PCP4: variants seen among roughly 807,000 people sequenced by gnomAD.
The protein encoded by PCP4 is Purkinje cell protein 4, also known as calmodulin regulator protein PCP4.
PCP4 carries 8 observed loss-of-function variants against 10.0 expected under a neutral mutation model. That is an observed-to-expected ratio of 0.80 (90% CI 0.47 to 1.45). The LOEUF is 1.45. PCP4 is among the 40% of genes most tolerant of loss of function. The probability of loss-of-function intolerance (pLI) is 0.00; values close to 1 mark genes in which losing one functional copy is unlikely to be tolerated. For missense variants in PCP4, 54 were observed against 74.4 expected (o/e 0.73, Z 1.01); for synonymous variants, 21 against 23.0 (o/e 0.91, Z 0.24).
intron 1 of PCP4, among the ~76,000 whole-genome samples, chr21:39,869,135 G>A (rs1447498247): frequency 6.6e-6 from 1 of 152,144 alleles, no homozygotes; most frequent in Non-Finnish European, 1.5e-5. Context: ...ATAGAAGAAG[G>A]ACTTAGAAAG....
chr21:39,884,263 T>A (rs1043307373), intron 1 of PCP4, among the ~76,000 whole-genome samples: 1 of 150,794 alleles, frequency 6.6e-6, no homozygotes, highest in Non-Finnish European at 1.5e-5. Context: ...CACTGCAACC[T>A]CCGCCTCCCA....
chr21:39,903,578 T>C (rs2087491020), intron 2 of PCP4, among the ~76,000 whole-genome samples: 1 of 152,102 alleles, frequency 6.6e-6, no homozygotes, highest in Admixed American at 6.6e-5. Flanking sequence ...TAAGACTTAG[T>C]TTGATTTGGG....
At chr21:39,896,583 A>G (rs569431037) in intron 1 of PCP4, among the ~76,000 whole-genome samples, 53 of 152,226 alleles carry the variant, frequency 3.5e-4, no homozygotes, top group Non-Finnish European at 6.6e-4. Context: ...TGGAAGGTGA[A>G]TGGTATTCGT....
chr21:39,920,961 G>T (rs898294747), intron 2 of PCP4, among the ~76,000 whole-genome samples: 2 of 152,154 alleles, frequency 1.3e-5, no homozygotes, highest in African/African-American at 4.8e-5. Context: ...ACTCTCCAGC[G>T]GCCTGCTTTG....
intron 2 of PCP4, among the ~76,000 whole-genome samples, chr21:39,908,665 C>T (rs1255628944): frequency 6.6e-6 from 1 of 152,060 alleles, no homozygotes; most frequent in Non-Finnish European, 1.5e-5. Context: ...CCAGCTGCCT[C>T]GGCCCAAAGG....
intron 2 of PCP4, among the ~76,000 whole-genome samples, chr21:39,913,770 CAG>C (rs1209057016): frequency 3.9e-5 from 6 of 152,246 alleles, no homozygotes; most frequent in African/African-American, 1.4e-4. Context: ...TTGGAGTTGC[CAG>C]AGAGTTGTAC....
chr21:39,909,789 T>C (rs1008158540), intron 2 of PCP4, among the ~76,000 whole-genome samples: 1 of 42,764 alleles, frequency 2.3e-5, no homozygotes, highest in East Asian at 4.7e-4. Context: ...TTCCTTCCTT[T>C]CTTTTCTTTT....
At chr21:39,888,396 G>C (rs1325539046) in intron 1 of PCP4, among the ~76,000 whole-genome samples, 1 of 152,232 alleles carries the variant, frequency 6.6e-6, no homozygotes, top group African/African-American at 2.4e-5. Context: ...AACAATGGCT[G>C]TTGTGGTAAA....
rs62235435 is a variant in PCP4 at position 39,876,813 on chromosome 21, T to A, written c.9+9303T>A. On this transcript the variant is annotated intron_variant, in intron 1 of 2. Coordinates refer to ENST00000328619, the MANE Select transcript of PCP4 (RefSeq NM_006198.3). ...GAGGTGCCGTTGACACTGTGGTCTG[T>A]GCCAACAGCACTGCCTGGAGTTGTG... Among the ~76,000 whole-genome samples the A allele has an allele frequency of 8.4e-3, 1,278 of 152,324 alleles. 11 individuals are homozygous for A. Among genetic ancestry groups the A allele is most frequent in the Non-Finnish European group, 0.013 (914 of 68,026 alleles).
At chr21:39,915,064 C>G (rs970126651) in intron 2 of PCP4, among the ~76,000 whole-genome samples, 2 of 152,138 alleles carry the variant, frequency 1.3e-5, no homozygotes, top group Non-Finnish European at 2.9e-5. Flanking sequence ...ACATCAATTT[C>G]CTGTGTTTTC....
chr21:39,898,117 T>A (rs1285886975), intron 1 of PCP4, among the ~76,000 whole-genome samples: 1 of 151,752 alleles, frequency 6.6e-6, no homozygotes, highest in Non-Finnish European at 1.5e-5. Context: ...GCCTAATGAC[T>A]GTCATTAACA....
intron 1 of PCP4, among the ~76,000 whole-genome samples, chr21:39,877,719 C>T (rs1207816759): frequency 6.6e-6 from 1 of 151,834 alleles, no homozygotes; most frequent in Non-Finnish European, 1.5e-5. Flanking sequence ...AATACAAAAA[C>T]AAAACAAAAC....
intron 1 of PCP4, among the ~76,000 whole-genome samples, chr21:39,897,385 CAAAA>C (rs34312418): frequency 2.3e-5 from 2 of 87,664 alleles, no homozygotes; most frequent in Non-Finnish European, 2.4e-5. Flanking sequence ...GACTCTGTCT[CAAAA>C]AAAAAAAAAA....
chr21:39,911,723 TC>T (rs1388568276), intron 2 of PCP4, among the ~76,000 whole-genome samples: 3 of 152,246 alleles, frequency 2.0e-5, no homozygotes, highest in Non-Finnish European at 4.4e-5. Context: ...GCCTCACTTG[TC>T]TTTTCTATAA....
intron 2 of PCP4, among the ~76,000 whole-genome samples, chr21:39,903,113 A>G (rs1440749272): frequency 1.3e-5 from 2 of 152,228 alleles, no homozygotes; most frequent in African/African-American, 2.4e-5. Flanking sequence ...TTATTGACAC[A>G]CAAAAGCAGA....
At chr21:39,894,809 T>A (rs1233277197) in intron 1 of PCP4, among the ~76,000 whole-genome samples, 1 of 152,208 alleles carries the variant, frequency 6.6e-6, no homozygotes, top group East Asian at 1.9e-4. Context: ...GAACTTGTAG[T>A]TGGAGCTCAT....
intron 1 of PCP4, among the ~76,000 whole-genome samples, chr21:39,893,507 C>T (rs2087443198): frequency 1.3e-5 from 2 of 152,196 alleles, no homozygotes; most frequent in Admixed American, 1.3e-4. Flanking sequence ...GTGTGAATTG[C>T]TTGGCACGTG....
intron 1 of PCP4, among the ~76,000 whole-genome samples, chr21:39,885,965 C>G (rs1274862080): frequency 3.3e-5 from 5 of 152,202 alleles, no homozygotes; most frequent in Non-Finnish European, 4.4e-5. Context: ...AGAATCTGCT[C>G]CAGGCCCCTC....
At chr21:39,904,132 A>G (rs1346743452) in intron 2 of PCP4, among the ~76,000 whole-genome samples, 2 of 152,168 alleles carry the variant, frequency 1.3e-5, no homozygotes, top group African/African-American at 2.4e-5. Context: ...ACTTGCATTT[A>G]TAGGCAGACA....
Sources: gnomAD v4.1 joint callset for allele counts (sites outside exome capture counted in the v4.1 genomes callset) on GRCh38, gnomAD v4.1.1 for gene constraint, MANE v1.5 for transcripts, NCBI Gene and HGNC (gene_info 2026-07-23, HGNC 2026-07-21) for gene names.